TASOR2: variants seen among roughly 807,000 people sequenced by gnomAD.
TASOR2 encodes transcription activation suppressor family member 2.
In TASOR2, 84 loss-of-function variants were observed where a neutral mutation model predicts 199.5. That is an observed-to-expected ratio of 0.42 (90% CI 0.35 to 0.50). The LOEUF is 0.50. Among genes scored for constraint, TASOR2 ranks in the 20% least tolerant of loss-of-function variants. The pLI is 0.02. For synonymous variants in TASOR2, 1,103 were observed against 1,046.6 expected, an observed-to-expected ratio of 1.05 and a Z score of -1.04; for missense variants, 2,796 against 2,835.9, an observed-to-expected ratio of 0.99 and a Z score of 0.32.
At position 5,708,788 on chromosome 10, in the gene TASOR2, T is replaced by C. The variant is rs1178140495; in HGVS notation, c.-287-4035T>C. ...GCAATCTCAGCTCACTGCAACTTCT[T>C]CCCCCCAGACTCAAGCCATCGTCCC... On this transcript the variant is annotated intron_variant, in intron 1 of 20. Coordinates refer to ENST00000328090, the Ensembl canonical transcript of TASOR2. 4.6e-5 allele frequency among the ~76,000 whole-genome samples: 7 copies of C among 151,596 alleles called. No individual in the cohort carries two copies. The East Asian group carries it at 1.4e-3, about 29-fold the overall frequency.
At chr10:5,718,860 G>A (rs1833000459) in intron 3 of TASOR2, among the ~76,000 whole-genome samples, 1 of 151,968 alleles carries the variant, frequency 6.6e-6, no homozygotes, top group African/African-American at 2.4e-5. Flanking sequence ...TGCGATGAGT[G>A]CTGCAGAAAG....
chr10:5,733,577 G>T (rs1564317286), intron 11 of TASOR2, among the ~76,000 whole-genome samples: 2 of 152,202 alleles, frequency 1.3e-5, no homozygotes, highest in Non-Finnish European at 2.9e-5. Context: ...CATTCAGTTT[G>T]AGAAGCATGG....
intron 14 of TASOR2, among the ~76,000 whole-genome samples, chr10:5,743,649 C>T (rs966605884): frequency 6.6e-6 from 1 of 152,120 alleles, no homozygotes; most frequent in Non-Finnish European, 1.5e-5. Context: ...AGTTAAGAAT[C>T]ACCACCTTAG....
At position 5,763,215 on chromosome 10, in the gene TASOR2, T is replaced by C. The variant is rs1222624779; in HGVS notation, c.*183T>C. ...GAAATATGTCACAGTGGCATTGCAGTTGTCTGTTAGCTTTGGGTTGCAGTG... is the reference window on the plus strand; with the variant it reads ...GAAATATGTCACAGTGGCATTGCAGCTGTCTGTTAGCTTTGGGTTGCAGTG... On this transcript the variant is annotated 3_prime_UTR_variant, in exon 21 of 21. Coordinates refer to ENST00000328090, the Ensembl canonical transcript of TASOR2. The C allele has an allele frequency of 1.1e-5, 6 of 554,260 alleles. No individual in the cohort carries two copies. In the African/African-American group the frequency reaches 1.2e-4, roughly 11 times the overall value. The allele number at this position is 554,260 out of a possible 1,614,324, so 34.3% of individuals were successfully genotyped here.
intron 18 of TASOR2, 75 bp from the exon 20 acceptor site, chr10:5,761,215 G>C: frequency 7.5e-7 from 1 of 1,334,576 alleles, no homozygotes. Flanking sequence ...AGTTTGAATG[G>C]TTAAACTGAA....
rs529038393 is a variant in TASOR2 at position 5,762,738 on chromosome 10, CTGT to C, written c.7289+97_7289+99del. Reference sequence around the variant, plus strand: ...GTGTCTAAGGGAAACAGTTGGGAAACTGTTGTTTACATACTTCATGCTATAAAT... The same window carrying C: ...GTGTCTAAGGGAAACAGTTGGGAAACTGTTTACATACTTCATGCTATAAAT... On this transcript the variant is annotated intron_variant, in intron 20 of 20. Coordinates refer to ENST00000328090, the Ensembl canonical transcript of TASOR2. The C allele has an allele frequency of 5.7e-3, 4,240 of 742,752 alleles. 16 individuals carry two copies. The highest frequency in any genetic ancestry group is 7.2e-3 in the Non-Finnish European group (3,084 of 431,164). 46.0% of individuals were successfully genotyped at this position (742,752 alleles called of 1,614,324 possible).
intron 2 of TASOR2, 69 bp downstream of exon 3, chr10:5,714,276 A>C (rs1002602276): frequency 3.1e-6 from 3 of 962,700 alleles, no homozygotes; most frequent in South Asian, 1.1e-4. Flanking sequence ...AGGTTTCATT[A>C]GTTTTATAAG....
At chr10:5,723,984 C>T (rs998938337) in intron 7 of TASOR2, among the ~76,000 whole-genome samples, 2 of 152,188 alleles carry the variant, frequency 1.3e-5, no homozygotes, top group Non-Finnish European at 2.9e-5. Context: ...TCTAAGATGA[C>T]AAAGGCTAGC....
At position 5,748,519 on chromosome 10, in the gene TASOR2, G is replaced by A. The variant is rs757785670; in HGVS notation, c.5098G>A (p.Glu1700Lys). The A allele has an allele frequency of 6.2e-6, 10 of 1,613,562 alleles. No individual in the cohort carries two copies. The highest frequency in any genetic ancestry group is 1.1e-5 in the South Asian group (1 of 91,090). The change falls in exon 15 of 21, where the codon GAA becomes AAA. Residue 1700 changes from glutamate (E) to lysine (K), a missense_variant. This residue lies in a region of TASOR2 where 1,941 missense variants were observed against 1,924.9 expected (regional missense o/e 1.01). Coordinates refer to ENST00000328090, the Ensembl canonical transcript of TASOR2. The surrounding 1 kb of genome is among the most constrained non-coding windows in gnomAD (Gnocchi z 5.1). The stretch of plus-strand genomic sequence containing the variant: ...CAGTTTGCTTAAGAATGGTGAGCCT[G>A]AAGCTGAGTTACATAAAGAAACCAC...
chr10:5,707,736 A>G (rs1317592134), intron 1 of TASOR2, among the ~76,000 whole-genome samples: 60 of 15,472 alleles, frequency 3.9e-3, no homozygotes, highest in African/African-American at 5.2e-3. Flanking sequence ...TCACACACAC[A>G]CACACACACA....
chr10:5,712,420 G>C (rs1292221903), intron 1 of TASOR2: 17 of 1,231,472 alleles, frequency 1.4e-5, no homozygotes, highest in Non-Finnish European at 1.4e-5. Flanking sequence ...CTTGAGTTCA[G>C]ACTCTCTCTT....
rs1200803047 is a variant in TASOR2 at position 5,752,318 on chromosome 10, G to C, written c.6606+2291G>C. Among the ~76,000 whole-genome samples the C allele has an allele frequency of 6.6e-6, 1 of 152,374 alleles. No homozygotes were observed. Among genetic ancestry groups the C allele is most frequent in the Admixed American group, 6.5e-5 (1 of 15,306 alleles). On this transcript the variant is annotated intron_variant, in intron 15 of 20. Transcript: ENST00000328090. This position sits in a 1 kb window ranked among gnomAD's most constrained non-coding sequence, Gnocchi z 4.4. The stretch of plus-strand genomic sequence containing the variant: ...CGCAGGTGCCACGAGGACGCATTGA[G>C]GGTGATTGGCCTGGCCGGGGAGGTC...
intron 2 of TASOR2, among the ~76,000 whole-genome samples, chr10:5,716,227 A>ATT (rs758861511): frequency 1.1e-4 from 17 of 152,192 alleles, no homozygotes; most frequent in Non-Finnish European, 2.2e-4. Flanking sequence ...ACAATGGTGT[A>ATT]TTCTGTTATG....
intron 12 of TASOR2, among the ~76,000 whole-genome samples, chr10:5,736,480 C>G (rs1454801949): frequency 6.6e-6 from 1 of 151,970 alleles, no homozygotes; most frequent in Non-Finnish European, 1.5e-5. Context: ...TCTTGAACTC[C>G]TGAGCTCAAG....
At chr10:5,753,749 A>C (rs181175299) in intron 15 of TASOR2, among the ~76,000 whole-genome samples, 1 of 152,154 alleles carries the variant, frequency 6.6e-6, no homozygotes. Flanking sequence ...CATTTCGGTA[A>C]GCAGCACTGT....
chr10:5,751,767 T>C lies in TASOR2; in HGVS notation c.6606+1740T>C, dbSNP rs1483860604. On this transcript the variant is annotated intron_variant, in intron 15 of 20. Transcript: ENST00000328090. This position sits in a 1 kb window ranked among gnomAD's most constrained non-coding sequence, Gnocchi z 5.3. ...CAGTGTCACTTGGTGTCTTTGCTTC[T>C]AGGTCCTCTCAGCACATAAAGCCAA... Among the ~76,000 whole-genome samples, 2 of 152,222 alleles carry C rather than the reference T, an allele frequency of 1.3e-5. No individual in the cohort carries two copies. Among genetic ancestry groups the C allele is most frequent in the Non-Finnish European group, 2.9e-5 (2 of 68,034 alleles).
At chr10:5,757,565 G>A (rs955159258) in exon 17 of TASOR2, 3 of 1,612,198 alleles carry the variant, frequency 1.9e-6, no homozygotes, top group Non-Finnish European at 2.5e-6. Context: ...TGTCATCTTT[G>A]CTGGAGTAGA....
chr10:5,748,809 C>T lies in TASOR2; in HGVS notation c.5388C>T (p.Asn1796=), dbSNP rs1837579902. The change falls in exon 15 of 21, where the codon AAC becomes AAT. Residue 1796 remains asparagine (N), a synonymous_variant. Coordinates refer to ENST00000328090, the Ensembl canonical transcript of TASOR2. This position sits in a 1 kb window ranked among gnomAD's most constrained non-coding sequence, Gnocchi z 5.1. ...CCACAGAGCACGTAGAAATTGAGAA[C>T]AGTGGGGAGGGGCTCAGGGCTGAGG... The T allele has an allele frequency of 6.2e-7, 1 of 1,614,150 alleles. No individual in the cohort carries two copies. The highest frequency in any genetic ancestry group is 1.3e-5 in the African/African-American group (1 of 75,024).
rs773113606 is a variant in TASOR2, at chr10:5,754,148, T to TA, written c.6607-2458dup. On this transcript the variant is annotated intron_variant, in intron 15 of 20. Transcript: ENST00000328090. This position sits in a 1 kb window ranked among gnomAD's most constrained non-coding sequence, Gnocchi z 4.3. ...AGTGAAACCCCGTCTCTACTAAAAA[T>TA]AAAAAAATTAGCCGGGTGTGGCGGC... Among the ~76,000 whole-genome samples, 31 of 151,998 alleles carry TA rather than the reference T, an allele frequency of 2.0e-4. No individual in the cohort carries two copies. The highest frequency in any genetic ancestry group is 3.4e-3 in the Middle Eastern group (1 of 294).
Sources: allele counts gnomAD v4.1 joint callset (sites outside exome capture counted in the v4.1 genomes callset), GRCh38; gene constraint gnomAD v4.1.1; regional missense constraint gnomAD v4.1.1; non-coding constraint Gnocchi (gnomAD v3.1); transcripts MANE v1.5; gene names NCBI Gene and HGNC (gene_info 2026-07-23, HGNC 2026-07-21).